TMPRSS11E: variants seen among roughly 807,000 people sequenced by gnomAD.
TMPRSS11E encodes the protein transmembrane serine protease 11E, also known as transmembrane protease serine 11E.
In TMPRSS11E, 38 loss-of-function variants were observed where a neutral mutation model predicts 48.1. The ratio of observed to expected loss-of-function variants is 0.79; its 90% CI spans 0.61 to 1.04. The LOEUF is 1.04. Among genes scored for constraint, TMPRSS11E ranks in the 50% least tolerant of loss-of-function variants. The pLI, the probability that TMPRSS11E is intolerant of heterozygous loss-of-function variation, is 0.00. For synonymous variants in TMPRSS11E, 158 were observed against 171.9 expected, an observed-to-expected ratio of 0.92 and a Z score of 0.63; for missense variants, 530 against 510.8, an observed-to-expected ratio of 1.04 and a Z score of -0.36.
chr4:68,489,999 C>G (rs1304701257), intron 9 of TMPRSS11E, among the ~76,000 whole-genome samples: 2 of 152,220 alleles, frequency 1.3e-5, no homozygotes, highest in Admixed American at 1.3e-4. Context: ...GCTGTTCTCC[C>G]TGCCACCTTA....
intron 9 of TMPRSS11E, among the ~76,000 whole-genome samples, chr4:68,479,727 T>A (rs1729352591): frequency 6.6e-6 from 1 of 151,860 alleles, no homozygotes; most frequent in Non-Finnish European, 1.5e-5. Context: ...CTGTCAAATG[T>A]AATTTAGAAA....
intron 2 of TMPRSS11E, among the ~76,000 whole-genome samples, chr4:68,463,777 A>G (rs560961753): frequency 1.8e-4 from 28 of 152,278 alleles, no homozygotes; most frequent in African/African-American, 6.5e-4. Context: ...GGCACATGTT[A>G]TGTGCTTTAT....
At chr4:68,460,208 C>T (rs1728751227) in intron 1 of TMPRSS11E, among the ~76,000 whole-genome samples, 1 of 152,142 alleles carries the variant, frequency 6.6e-6, no homozygotes, top group Non-Finnish European at 1.5e-5. Context: ...ACACCATTGA[C>T]TTCTATGCCA....
intron 1 of TMPRSS11E, among the ~76,000 whole-genome samples, chr4:68,453,772 G>GT (rs1728557229): frequency 6.6e-6 from 1 of 151,880 alleles, no homozygotes; most frequent in Admixed American, 6.6e-5. Flanking sequence ...ATTTTATTCC[G>GT]TTTAATGTGA....
intron 1 of TMPRSS11E, among the ~76,000 whole-genome samples, chr4:68,449,436 G>A (rs887056212): frequency 4.6e-5 from 7 of 151,096 alleles, no homozygotes; most frequent in Non-Finnish European, 1.0e-4. Context: ...GAATTTATAG[G>A]CATCGACATC....
chr4:68,471,980 T>C (rs1411166868), intron 5 of TMPRSS11E, among the ~76,000 whole-genome samples: 3 of 151,974 alleles, frequency 2.0e-5, no homozygotes, highest in African/African-American at 7.2e-5. Flanking sequence ...GTTCATGCCA[T>C]TTACACATTT....
Position 68,477,507 on chromosome 4 carries a change from G to T in TMPRSS11E, c.846G>T (p.Glu282Asp). The change falls in exon 8 of 10, where the codon GAG (glutamate) becomes GAT (aspartate). Residue 282 changes from glutamate to aspartate, a missense_variant. Glu to Asp is a conservative substitution (Grantham distance 45). Coordinates refer to ENST00000305363, the MANE Select transcript of TMPRSS11E (RefSeq NM_014058.4). ...PSHDYDISLA[E>D]LSSPVPYTNA... ...ATGACTATGATATTTCTCTTGCAGA[G>T]CTTTCTAGCCCTGTTCCCTACACAA... 1 of 1,614,006 alleles carries T rather than the reference G, an allele frequency of 6.2e-7. No individual in the cohort carries two copies.
chr4:68,492,423 C>T (rs1456986429), intron 9 of TMPRSS11E, among the ~76,000 whole-genome samples: 1 of 152,096 alleles, frequency 6.6e-6, no homozygotes, highest in Non-Finnish European at 1.5e-5. Context: ...TGTTTCAGTT[C>T]TCATTCTGTA....
chr4:68,476,482 A>C, intron 7 of TMPRSS11E, 44 bp downstream of exon 7: 1 of 1,544,656 alleles, frequency 6.5e-7, no homozygotes, highest in Non-Finnish European at 8.7e-7. Context: ...AACAAAGTGC[A>C]CTGGGTTTTG....
At chr4:68,465,590 T>C (rs1256395305) in intron 2 of TMPRSS11E, among the ~76,000 whole-genome samples, 2 of 149,534 alleles carry the variant, frequency 1.3e-5, no homozygotes, top group African/African-American at 4.9e-5. Flanking sequence ...TTTCATGGAG[T>C]TATTGTAAAT....
chr4:68,486,888 T>G (rs1336125372), intron 9 of TMPRSS11E, among the ~76,000 whole-genome samples: 1 of 152,254 alleles, frequency 6.6e-6, no homozygotes, highest in Non-Finnish European at 1.5e-5. Flanking sequence ...CACCATTTTT[T>G]GTCCTTTTTA....
chr4:68,453,179 T>C (rs1023568925), intron 1 of TMPRSS11E, among the ~76,000 whole-genome samples: 7 of 151,930 alleles, frequency 4.6e-5, no homozygotes, highest in African/African-American at 1.4e-4. Flanking sequence ...ATAATGACAA[T>C]GGCCAACTTT....
At chr4:68,471,856 T>G (rs1209256796) in intron 5 of TMPRSS11E, among the ~76,000 whole-genome samples, 1 of 151,952 alleles carries the variant, frequency 6.6e-6, no homozygotes, top group African/African-American at 2.4e-5. Flanking sequence ...TTCTTTATAT[T>G]ACACTTTATA....
intron 1 of TMPRSS11E, among the ~76,000 whole-genome samples, chr4:68,458,981 G>A (rs1216023395): frequency 6.6e-6 from 1 of 152,102 alleles, no homozygotes; most frequent in African/African-American, 2.4e-5. Flanking sequence ...TAGGTTAGGA[G>A]GGGTCTGGAC....
In TMPRSS11E at chr4:68,447,488, C is replaced by T. The variant is rs771095572; in HGVS notation, c.-25C>T. The T allele has an allele frequency of 1.9e-6, 3 of 1,609,692 alleles. No individual in the cohort carries two copies. The highest frequency in any genetic ancestry group is 2.5e-6 in the Non-Finnish European group (3 of 1,177,554). ...ACTTGGATGTAGACCTCGACCTTCA[C>T]AGGACTCTTCATTGCTGGTTGGCAA... On this transcript the variant is annotated 5_prime_UTR_variant, in exon 1 of 10. Coordinates refer to ENST00000305363, the MANE Select transcript of TMPRSS11E (RefSeq NM_014058.4).
intron 1 of TMPRSS11E, among the ~76,000 whole-genome samples, chr4:68,453,973 C>T (rs1004019234): frequency 4.0e-5 from 6 of 151,710 alleles, no homozygotes; most frequent in Admixed American, 2.6e-4. Flanking sequence ...GGATTCCAGC[C>T]AACAAAATAG....
chr4:68,484,812 T>G (rs928524862), intron 9 of TMPRSS11E, among the ~76,000 whole-genome samples: 1 of 152,220 alleles, frequency 6.6e-6, no homozygotes, highest in African/African-American at 2.4e-5. Flanking sequence ...TTCAGAAACT[T>G]TACTGAAGTT....
chr4:68,479,292 T>A lies in TMPRSS11E; in HGVS notation c.1110+301T>A, dbSNP rs192955523. On this transcript the variant is annotated intron_variant, in intron 9 of 9. Transcript: ENST00000305363. The stretch of plus-strand genomic sequence containing the variant: ...CACAAAGACCTACCTTTTTCCCTCC[T>A]CCTACTATCCCTAACATCTGGCAAT... 1.6e-4 allele frequency among the ~76,000 whole-genome samples: 25 copies of A among 152,178 alleles called. 1 individual carries two copies. The highest frequency in any genetic ancestry group is 1.5e-3 in the Admixed American group (23 of 15,264).
chr4:68,484,602 C>G (rs1220161716), intron 9 of TMPRSS11E, among the ~76,000 whole-genome samples: 1 of 152,172 alleles, frequency 6.6e-6, no homozygotes, highest in Admixed American at 6.5e-5. Context: ...GCCACTGTAC[C>G]TGGCCTTCAA....
Sources: allele counts gnomAD v4.1 joint callset (sites outside exome capture counted in the v4.1 genomes callset), GRCh38; gene constraint gnomAD v4.1.1; transcripts MANE v1.5; gene names NCBI Gene and HGNC (gene_info 2026-07-23, HGNC 2026-07-21).